The following SLC39A12 variants were observed in gnomAD, a reference collection of about 807,000 sequenced individuals.
SLC39A12 encodes the protein zinc transporter ZIP12.
Under a neutral mutation model 71.1 loss-of-function variants are expected in SLC39A12, and 63 were observed. That is an observed-to-expected ratio of 0.89 (90% CI 0.72 to 1.09). The LOEUF (loss-of-function observed/expected upper bound fraction) is 1.09. Ranked by LOEUF, SLC39A12 falls within the 50% of genes least tolerant of loss-of-function variation. SLC39A12 has a pLI of 0.00. For synonymous variants in SLC39A12, 351 were observed against 301.3 expected, an observed-to-expected ratio of 1.16 and a Z score of -1.71; for missense variants, 892 against 812.6, an observed-to-expected ratio of 1.10 and a Z score of -1.19.
intron 9 of SLC39A12, among the ~76,000 whole-genome samples, chr10:17,995,107 T>A (rs760174547): frequency 2.0e-5 from 3 of 152,206 alleles, no homozygotes; most frequent in Non-Finnish European, 2.9e-5. Context: ...TTGTTGTCTT[T>A]TATAAGTGGG....
At chr10:18,007,315 C>G (rs1383913564) in intron 12 of SLC39A12, 2 of 152,188 alleles carry the variant, frequency 1.3e-5, no homozygotes, top group Non-Finnish European at 2.9e-5. Flanking sequence ...TGTGTATCCT[C>G]TAGTTGCCTG....
chr10:18,029,048 T>A (rs1013839691), intron 12 of SLC39A12, among the ~76,000 whole-genome samples: 3 of 151,368 alleles, frequency 2.0e-5, no homozygotes, highest in Non-Finnish European at 4.4e-5. Context: ...TAATTTTTGT[T>A]TTTTAGTAGA....
At chr10:17,985,914 T>C (rs973160013) in intron 6 of SLC39A12, among the ~76,000 whole-genome samples, 10 of 152,192 alleles carry the variant, frequency 6.6e-5, no homozygotes, top group Non-Finnish European at 8.8e-5. Context: ...AAAATGTAGA[T>C]TGTTCAGATT....
At chr10:18,020,585 C>A (rs1402305956) in intron 12 of SLC39A12, among the ~76,000 whole-genome samples, 1 of 152,056 alleles carries the variant, frequency 6.6e-6, no homozygotes, top group Non-Finnish European at 1.5e-5. Flanking sequence ...ACATTTTCAC[C>A]AGCAGTATAT....
intron 2 of SLC39A12, among the ~76,000 whole-genome samples, chr10:17,956,407 A>G (rs1289286510): frequency 6.8e-6 from 1 of 147,384 alleles, no homozygotes; most frequent in African/African-American, 2.7e-5. Context: ...ATCTCTGAGG[A>G]TCTCATGGAT....
intron 12 of SLC39A12, among the ~76,000 whole-genome samples, chr10:18,038,555 CAGG>C (rs1481169674): frequency 1.3e-5 from 2 of 152,038 alleles, no homozygotes; most frequent in African/African-American, 4.8e-5. Context: ...GAGGCTGAGG[CAGG>C]AGAATTGCTT....
intron 5 of SLC39A12, among the ~76,000 whole-genome samples, chr10:17,981,011 A>G (rs1835240665): frequency 6.6e-6 from 1 of 152,188 alleles, no homozygotes; most frequent in Non-Finnish European, 1.5e-5. Context: ...GCTGCTGGTT[A>G]GAACACCACT....
At chr10:18,040,106 C>T (rs1463054982) in intron 12 of SLC39A12, among the ~76,000 whole-genome samples, 1 of 152,106 alleles carries the variant, frequency 6.6e-6, no homozygotes, top group Non-Finnish European at 1.5e-5. Context: ...AACATGAAAT[C>T]AGATGTTTCA....
intron 1 of SLC39A12, 106 bp downstream of exon 1, chr10:17,952,131 C>G (rs943682470): frequency 1.3e-5 from 2 of 152,164 alleles, no homozygotes; most frequent in Admixed American, 6.5e-5. Flanking sequence ...AAAAGTAATC[C>G]CAGTACCTTT....
intron 12 of SLC39A12, among the ~76,000 whole-genome samples, chr10:18,008,985 A>G (rs911799401): frequency 2.2e-4 from 34 of 152,216 alleles, no homozygotes; most frequent in Admixed American, 1.4e-3. Flanking sequence ...CCCTCAAAGT[A>G]TTGTCTTTTT....
intron 12 of SLC39A12, among the ~76,000 whole-genome samples, chr10:18,025,543 T>C (rs1836653780): frequency 6.6e-6 from 1 of 152,180 alleles, no homozygotes; most frequent in Non-Finnish European, 1.5e-5. Context: ...TTCATCCATG[T>C]CCCTACAAAG....
At chr10:17,974,602 C>CT (rs1835057696) in intron 4 of SLC39A12, among the ~76,000 whole-genome samples, 1 of 152,204 alleles carries the variant, frequency 6.6e-6, no homozygotes, top group Non-Finnish European at 1.5e-5. Context: ...GTTCTCTTCC[C>CT]TTTCTCCTAA....
chr10:18,033,038 C>T (rs980171126), intron 12 of SLC39A12, among the ~76,000 whole-genome samples: 27 of 151,668 alleles, frequency 1.8e-4, no homozygotes, highest in South Asian at 4.2e-4. Flanking sequence ...GATGTGCTGC[C>T]GGATTCGGTT....
At chr10:17,991,381 C>G in intron 8 of SLC39A12, 78 bp downstream of exon 8, 1 of 1,254,932 alleles carries the variant, frequency 8.0e-7, no homozygotes, top group Non-Finnish European at 1.1e-6. Context: ...AGTACTTGTT[C>G]AAAAGTAATG....
At chr10:18,030,363 G>A (rs1489614250) in intron 12 of SLC39A12, among the ~76,000 whole-genome samples, 6 of 151,026 alleles carry the variant, frequency 4.0e-5, no homozygotes, top group Non-Finnish European at 5.9e-5. Context: ...TCAGCTTCCC[G>A]AGTAGCTGGG....
chr10:18,029,123 G>A lies in SLC39A12; in HGVS notation c.1948-13582G>A, dbSNP rs894790744. On this transcript the variant is annotated intron_variant, in intron 12 of 12. Coordinates refer to ENST00000377369, the MANE Select transcript of SLC39A12 (RefSeq NM_001145195.2). ...CCTGAACTCGTGATCCGCCCACCTC[G>A]GCCTCCCAAAGTGCTGGGATTACAG... 2.7e-5 allele frequency among the ~76,000 whole-genome samples: 4 copies of A among 147,718 alleles called. No individual in the cohort carries two copies. In the East Asian group the frequency reaches 6.0e-4, roughly 22 times the overall value.
At chr10:18,004,462 G>T (rs1835950458) in intron 12 of SLC39A12, 1 of 152,164 alleles carries the variant, frequency 6.6e-6, no homozygotes, top group African/African-American at 2.4e-5. Context: ...GCAGAAACCT[G>T]TGCTAATAGA....
At chr10:18,024,477 G>A (rs1231516771) in intron 12 of SLC39A12, among the ~76,000 whole-genome samples, 2 of 152,048 alleles carry the variant, frequency 1.3e-5, no homozygotes, top group Non-Finnish European at 2.9e-5. Flanking sequence ...CCTGCCTTGG[G>A]TCCACTTCCG....
At chr10:17,953,938 G>A (rs1262846035) in intron 2 of SLC39A12, among the ~76,000 whole-genome samples, 1 of 152,186 alleles carries the variant, frequency 6.6e-6, no homozygotes, top group African/African-American at 2.4e-5. Context: ...GCCCAACATT[G>A]GGTTTTTGAG....
Sources: allele counts gnomAD v4.1 joint callset (sites outside exome capture counted in the v4.1 genomes callset), GRCh38; gene constraint gnomAD v4.1.1; transcripts MANE v1.5; gene names NCBI Gene and HGNC (gene_info 2026-07-23, HGNC 2026-07-21).